Variants in HCN1 observed in about 807,000 individuals in gnomAD.
HCN1 encodes the protein hyperpolarization activated cyclic nucleotide gated potassium channel 1, also known as potassium/sodium hyperpolarization-activated cyclic nucleotide-gated channel 1.
A neutral mutation model predicts 78.9 loss-of-function variants in HCN1; 13 were observed. The observed-to-expected ratio is 0.16, with a 90% CI of 0.11 to 0.26. The LOEUF is 0.26. HCN1 is among the 10% of genes least tolerant of loss of function. The pLI is 1.00. For synonymous variants in HCN1, 552 were observed against 455.5 expected, an observed-to-expected ratio of 1.21 and a Z score of -2.70; for missense variants, 810 against 1,154.3, an observed-to-expected ratio of 0.70 and a Z score of 4.32.
At chr5:45,316,087 C>G (rs1002430951) in intron 5 of HCN1, among the ~76,000 whole-genome samples, 1 of 152,090 alleles carries the variant, frequency 6.6e-6, no homozygotes, top group Admixed American at 6.5e-5. Context: ...CATCCTGATA[C>G]CAAAGTCTGG....
chr5:45,344,773 A>G (rs1028636480), intron 5 of HCN1, among the ~76,000 whole-genome samples: 2 of 152,252 alleles, frequency 1.3e-5, no homozygotes, highest in East Asian at 1.9e-4. Context: ...CAGCCCATCT[A>G]CCAGCTGCTT....
chr5:45,454,261 C>G (rs1039279228), intron 3 of HCN1, among the ~76,000 whole-genome samples: 2 of 152,044 alleles, frequency 1.3e-5, no homozygotes, highest in Admixed American at 6.6e-5. Flanking sequence ...TATGTGAACC[C>G]TTTCCCTTTT....
intron 2 of HCN1, among the ~76,000 whole-genome samples, chr5:45,511,101 A>G (rs541631359): frequency 6.6e-6 from 1 of 152,244 alleles, no homozygotes; most frequent in South Asian, 2.1e-4. Flanking sequence ...TATACCCAGT[A>G]CCTAGATGAT....
intron 1 of HCN1, among the ~76,000 whole-genome samples, chr5:45,657,049 G>A (rs1317241044): frequency 6.6e-6 from 1 of 152,088 alleles, no homozygotes; most frequent in Non-Finnish European, 1.5e-5. Flanking sequence ...TGTCAAGGAA[G>A]AAAATGATTC....
At chr5:45,656,556 T>C (rs943147102) in intron 1 of HCN1, among the ~76,000 whole-genome samples, 1 of 152,160 alleles carries the variant, frequency 6.6e-6, no homozygotes, top group Non-Finnish European at 1.5e-5. Context: ...CGGATTAAAT[T>C]GCATAAAAGT....
At chr5:45,396,735 TTGAC>T (rs1561139653) in intron 3 of HCN1, 25 bp from the exon 4 acceptor site, 2 of 1,578,974 alleles carry the variant, frequency 1.3e-6, no homozygotes, top group Non-Finnish European at 8.7e-7. Context: ...AAAAAGAAAA[TTGAC>T]TGAGCCATTA....
chr5:45,363,350 T>C (rs1234421218), intron 4 of HCN1, among the ~76,000 whole-genome samples: 1 of 151,384 alleles, frequency 6.6e-6, no homozygotes, highest in Non-Finnish European at 1.5e-5. Flanking sequence ...TAGAGTTGCA[T>C]GGTCTTCTGG....
chr5:45,417,853 A>T (rs1251414509), intron 3 of HCN1, among the ~76,000 whole-genome samples: 1 of 151,658 alleles, frequency 6.6e-6, no homozygotes, highest in East Asian at 1.9e-4. Context: ...AAAGAAACCA[A>T]AGGCTAGAGA....
At chr5:45,611,260 T>TA (rs34976259) in intron 2 of HCN1, among the ~76,000 whole-genome samples, 7,244 of 147,190 alleles carry the variant, frequency 0.049, 255 homozygotes, top group East Asian at 0.13. Flanking sequence ...CTTTTTTTTT[T>TA]ATCTTTTTCT....
At chr5:45,633,885 A>T (rs185466761) in intron 2 of HCN1, among the ~76,000 whole-genome samples, 55 of 152,022 alleles carry the variant, frequency 3.6e-4, no homozygotes, top group African/African-American at 1.3e-3. Context: ...CTCACTAAAA[A>T]TTTTTTTCAC....
chr5:45,311,263 C>T (rs764954884), intron 5 of HCN1, among the ~76,000 whole-genome samples: 3 of 151,930 alleles, frequency 2.0e-5, no homozygotes, highest in Non-Finnish European at 2.9e-5. Flanking sequence ...AAATGTTGTT[C>T]CAAAGAAATT....
intron 5 of HCN1, among the ~76,000 whole-genome samples, chr5:45,346,234 G>A (rs910315134): frequency 2.2e-4 from 34 of 152,136 alleles, no homozygotes; most frequent in African/African-American, 8.2e-4. Flanking sequence ...CAACATGACA[G>A]GTCATTGACA....
At chr5:45,392,930 A>G (rs770546855) in intron 4 of HCN1, among the ~76,000 whole-genome samples, 1 of 152,152 alleles carries the variant, frequency 6.6e-6, no homozygotes, top group Non-Finnish European at 1.5e-5. Context: ...ATTACATAAC[A>G]TAATCAATAT....
chr5:45,277,269 T>C (rs753340625), intron 6 of HCN1, among the ~76,000 whole-genome samples: 6 of 152,106 alleles, frequency 3.9e-5, no homozygotes, highest in Non-Finnish European at 5.9e-5. Flanking sequence ...CTATAGTCAG[T>C]TTGCCAAATG....
At chr5:45,466,799 T>C (rs568888269) in intron 2 of HCN1, among the ~76,000 whole-genome samples, 1 of 152,254 alleles carries the variant, frequency 6.6e-6, no homozygotes, top group South Asian at 2.1e-4. Context: ...AGGTACAAAG[T>C]GTAGAAGGTT....
At chr5:45,605,495 A>G (rs909161606) in intron 2 of HCN1, among the ~76,000 whole-genome samples, 1 of 151,966 alleles carries the variant, frequency 6.6e-6, no homozygotes, top group Non-Finnish European at 1.5e-5. Context: ...ATATTAAGGT[A>G]GTTCTCAGAC....
chr5:45,409,723 A>T (rs1579875480), intron 3 of HCN1, among the ~76,000 whole-genome samples: 1 of 151,970 alleles, frequency 6.6e-6, no homozygotes, highest in Admixed American at 6.6e-5. Context: ...TTTATGGTAG[A>T]CTGACTTTTA....
At chr5:45,552,507 TATC>T (rs1743388974) in intron 2 of HCN1, among the ~76,000 whole-genome samples, 1 of 151,944 alleles carries the variant, frequency 6.6e-6, no homozygotes, top group African/African-American at 2.4e-5. Context: ...CATCTATAAG[TATC>T]ATCAAGAGAA....
Position 45,336,509 on chromosome 5 carries a change from A to T in HCN1, c.1377+16591T>A, listed in dbSNP as rs184502499. Among the ~76,000 whole-genome samples the T allele has an allele frequency of 3.3e-5, 5 of 152,170 alleles. No homozygotes were observed. The East Asian group carries it at 9.7e-4, about 30-fold the overall frequency. On this transcript the variant is annotated intron_variant, in intron 5 of 7. Coordinates refer to ENST00000303230, the MANE Select transcript of HCN1 (RefSeq NM_021072.4). ...CTAGCTTGAGGATGAACAACACACA[A>T]CTGTTATCTGCCACTGTGAATCTTC...
Sources: gnomAD v4.1 joint callset for allele counts (sites outside exome capture counted in the v4.1 genomes callset) on GRCh38, gnomAD v4.1.1 for gene constraint, MANE v1.5 for transcripts, NCBI Gene and HGNC (gene_info 2026-07-23, HGNC 2026-07-21) for gene names.